Variants in PICK1 observed in about 807,000 individuals in gnomAD.
PICK1 encodes the protein protein interacting with PRKCA 1.
In PICK1, 23 loss-of-function variants were observed where a neutral mutation model predicts 48.9. The ratio of observed to expected loss-of-function variants is 0.47; its 90% confidence interval spans 0.34 to 0.67. The LOEUF is 0.67. Among genes scored for constraint, PICK1 ranks in the 30% least tolerant of loss-of-function variants. PICK1 has a pLI of 0.01. For missense variants in PICK1, 423 were observed against 557.1 expected (o/e 0.76, Z 2.42); for synonymous variants, 217 against 228.2 (o/e 0.95, Z 0.44).
intron 6 of PICK1, among the ~76,000 whole-genome samples, chr22:38,070,449 C>T (rs1251414215): frequency 1.3e-5 from 2 of 152,234 alleles, no homozygotes; most frequent in Non-Finnish European, 2.9e-5. Context: ...TTCCCCCTCC[C>T]TCCCCAAGTT....
Position 38,074,558 on chromosome 22 carries a change from C to G in PICK1, c.979+107C>G. On this transcript the variant is annotated intron_variant, in intron 12 of 12. Transcript: ENST00000356976. This position sits in a 1 kb window ranked among gnomAD's most constrained non-coding sequence, Gnocchi z 4.5. ...GCCACGGCCCAGATGTAAAGCCCCT[C>G]CAGGAGCCCAGCCATCTGCCCAGAG... The G allele has an allele frequency of 6.9e-7, 1 of 1,447,746 alleles. No individual in the cohort carries two copies. The highest frequency in any genetic ancestry group is 1.2e-5 in the South Asian group (1 of 82,454). The allele number at this position is 1,447,746 out of a possible 1,614,324, so 89.7% of individuals were successfully genotyped here. A position where few individuals can be genotyped will look rare whatever the true frequency, so the allele number is the denominator to read the frequency against.
In PICK1 at chr22:38,059,277, G is replaced by C. The variant is rs758384023; in HGVS notation, c.85G>C (p.Ala29Pro). 8 of 1,584,320 alleles carry C rather than the reference G, an allele frequency of 5.0e-6. No homozygotes were observed. In the Admixed American group the frequency reaches 1.1e-4, roughly 21 times the overall value. Reference protein sequence around the residue: ...VPGKVTLQKDAQNLIGISIGG... With the variant: ...VPGKVTLQKDPQNLIGISIGG... ...TGGGAAGGTGACCCTGCAGAAGGAT[G>C]CTCAGAACCTGATCGGGATCAGCAT... Residue 29 changes from alanine to proline, a missense_variant, in exon 3 of 13, where the codon GCT becomes CCT. This residue lies in a region of PICK1 where 279 missense variants were observed against 417.8 expected (regional missense o/e 0.67). Transcript: ENST00000356976.
chr22:38,060,334 G>A (rs1231990043), intron 3 of PICK1, among the ~76,000 whole-genome samples: 1 of 152,226 alleles, frequency 6.6e-6, no homozygotes, highest in African/African-American at 2.4e-5. Flanking sequence ...TCTTGCAGAG[G>A]AAGCTGCACT....
In PICK1 at chr22:38,069,109, C is replaced by T. The variant is rs201374426; in HGVS notation, c.426C>T (p.Ala142=). The T allele has an allele frequency of 6.2e-7, 1 of 1,609,616 alleles. No homozygotes were observed. The highest frequency in any genetic ancestry group is 2.2e-5 in the East Asian group (1 of 44,626). ...GTADALGLSR[A]ILCNDGLVKR... The stretch of plus-strand genomic sequence containing the variant: ...CAGATGCTCTGGGCCTGAGCCGGGC[C>T]ATCCTGTGCAATGGTGAGTCCCTTC... Residue 142 remains alanine (A), a synonymous_variant, in exon 6 of 13, where the codon GCC becomes GCT. Transcript: ENST00000356976.
At position 38,073,196 on chromosome 22, in the gene PICK1, C is replaced by T; in HGVS notation, c.783+104C>T. On this transcript the variant is annotated intron_variant, in intron 10 of 12. Transcript: ENST00000356976. The surrounding 1 kb of genome is among the most constrained non-coding windows in gnomAD (Gnocchi z 5.7). ...GGCCAGCGAGGCCAGCCAGAGCTGACAGCATGTCTGCTCCAGGTGTGGGCC... is the reference window on the plus strand; with the variant it reads ...GGCCAGCGAGGCCAGCCAGAGCTGATAGCATGTCTGCTCCAGGTGTGGGCC... 2.5e-6 allele frequency: 2 copies of T among 806,974 alleles called. No individual in the cohort carries two copies. The highest frequency in any genetic ancestry group is 2.5e-5 in the East Asian group (1 of 39,820). The allele number at this position is 806,974 out of a possible 1,614,324, so 50.0% of individuals were successfully genotyped here. A position where few individuals can be genotyped will look rare whatever the true frequency, so the allele number is the denominator to read the frequency against.
In PICK1 at chr22:38,075,400, C is replaced by T. The variant is rs933102479; in HGVS notation, c.*268C>T. On this transcript the variant is annotated 3_prime_UTR_variant, in exon 13 of 13. Transcript: ENST00000356976. ...GGGAGAGCTTGGTCTCTGGACCTGC[C>T]TTAGGAAGGAGAGGGAGGGCAGGAA... 4 of 476,536 alleles carry T rather than the reference C, an allele frequency of 8.4e-6. No homozygotes were observed. The highest frequency in any genetic ancestry group is 6.5e-5 in the East Asian group (2 of 30,790). 29.5% of individuals were successfully genotyped at this position (476,536 alleles called of 1,614,324 possible). A position where few individuals can be genotyped will look rare whatever the true frequency, so the allele number is the denominator to read the frequency against.
Position 38,057,600 on chromosome 22 carries a change from T to A in PICK1, c.-58+13T>A, listed in dbSNP as rs183509784. On this transcript the variant is annotated intron_variant, in intron 1 of 12. Transcript: ENST00000356976. ...CCCTTTGTACCTAGTAAGAATCACC[T>A]ACCCAGCCCCCCACCCGGAGACTGT... 4.8e-5 allele frequency: 29 copies of A among 607,540 alleles called. No individual in the cohort carries two copies. The East Asian group carries it at 8.1e-4, about 17-fold the overall frequency. The allele number at this position is 607,540 out of a possible 1,614,324, so 37.6% of individuals were successfully genotyped here. A position where few individuals can be genotyped will look rare whatever the true frequency, so the allele number is the denominator to read the frequency against.
chr22:38,074,743 G>C lies in PICK1; in HGVS notation c.980-121G>C. On this transcript the variant is annotated intron_variant, in intron 12 of 12. Transcript: ENST00000356976. The surrounding 1 kb of genome is among the most constrained non-coding windows in gnomAD (Gnocchi z 4.5). ...CCTTGCCAGGTCATGAGGGGTCAGG[G>C]AAGTGCCCGAGTGGGAAGCCCAGGG... 1 of 1,316,068 alleles carries C rather than the reference G, an allele frequency of 7.6e-7. No individual in the cohort carries two copies. The highest frequency in any genetic ancestry group is 1.1e-6 in the Non-Finnish European group (1 of 948,674). 81.5% of individuals were successfully genotyped at this position (1,316,068 alleles called of 1,614,324 possible).
Position 38,066,964 on chromosome 22 carries a change from C to G in PICK1, c.283-740C>G, listed in dbSNP as rs2085540267. On this transcript the variant is annotated intron_variant, in intron 4 of 12. Transcript: ENST00000356976. This position sits in a 1 kb window ranked among gnomAD's most constrained non-coding sequence, Gnocchi z 4.1. ...GCCCCTGCCCCTCCCCTTGGTGCCC[C>G]AGCACCAGGCACAGAGCAAGTGCTC... Among the ~76,000 whole-genome samples the G allele has an allele frequency of 6.6e-6, 1 of 152,204 alleles. No homozygotes were observed. Among genetic ancestry groups the G allele is most frequent in the African/African-American group, 2.4e-5 (1 of 41,456 alleles).
At chr22:38,063,341 T>C (rs570111336) in intron 3 of PICK1, among the ~76,000 whole-genome samples, 1 of 151,812 alleles carries the variant, frequency 6.6e-6, no homozygotes, top group African/African-American at 2.4e-5. Flanking sequence ...ATTTTTTTTG[T>C]AGAGACAGAG....
chr22:38,058,440 T>C (rs982007714), intron 2 of PICK1, among the ~76,000 whole-genome samples: 5 of 151,804 alleles, frequency 3.3e-5, no homozygotes, highest in South Asian at 2.1e-4. Flanking sequence ...AGTTGAGAGG[T>C]GGGAGGTGGA....
intron 5 of PICK1, 87 bp from the exon 6 acceptor site, chr22:38,068,946 G>T: frequency 9.2e-7 from 1 of 1,092,324 alleles, no homozygotes; most frequent in Non-Finnish European, 1.4e-6. Context: ...CCCCTGTGGG[G>T]TGCTCCCTGT....
chr22:38,057,420 G>A lies in PICK1; in HGVS notation c.-225G>A. On this transcript the variant is annotated 5_prime_UTR_variant, in exon 1 of 13. Coordinates refer to ENST00000356976, the MANE Select transcript of PICK1 (RefSeq NM_012407.4). The stretch of plus-strand genomic sequence containing the variant: ...AAGTGACGTGACAATCGCGGCCACC[G>A]CCAGGTGGAACGGCAGGTGGGTTCA... 1 of 244,742 alleles carries A rather than the reference G, an allele frequency of 4.1e-6. No individual in the cohort carries two copies. The highest frequency in any genetic ancestry group is 8.0e-6 in the Non-Finnish European group (1 of 124,750). The allele number at this position is 244,742 out of a possible 1,614,324, so 15.2% of individuals were successfully genotyped here.
chr22:38,073,170 C>A lies in PICK1; in HGVS notation c.783+78C>A. ...TGCCCCACTTCAGTCAGCCATGCTG[C>A]GGCCAGCGAGGCCAGCCAGAGCTGA... On this transcript the variant is annotated intron_variant, in intron 10 of 12. Coordinates refer to ENST00000356976, the MANE Select transcript of PICK1 (RefSeq NM_012407.4). The surrounding 1 kb of genome is among the most constrained non-coding windows in gnomAD (Gnocchi z 5.7). The A allele has an allele frequency of 9.9e-7, 1 of 1,012,632 alleles. No individual in the cohort carries two copies. Among genetic ancestry groups the A allele is most frequent in the Non-Finnish European group, 1.6e-6 (1 of 634,206 alleles). 62.7% of individuals were successfully genotyped at this position (1,012,632 alleles called of 1,614,324 possible).
In PICK1 at chr22:38,073,230, C is replaced by T; in HGVS notation, c.783+138C>T. 1.4e-6 allele frequency: 1 copy of T among 714,090 alleles called. No homozygotes were observed. The highest frequency in any genetic ancestry group is 2.6e-6 in the Non-Finnish European group (1 of 390,302). 44.2% of individuals were successfully genotyped at this position (714,090 alleles called of 1,614,324 possible). Reference sequence around the variant, plus strand: ...TGCTCCAGGTGTGGGCCCAGAGGCCCAGGGAGGTGCAGCCAAAGCCCTGCT... The same window carrying T: ...TGCTCCAGGTGTGGGCCCAGAGGCCTAGGGAGGTGCAGCCAAAGCCCTGCT... On this transcript the variant is annotated intron_variant, in intron 10 of 12. Transcript: ENST00000356976. This position sits in a 1 kb window ranked among gnomAD's most constrained non-coding sequence, Gnocchi z 5.7.
chr22:38,057,895 A>G (rs1390087494), intron 2 of PICK1, 45 bp downstream of exon 2: 1 of 1,496,990 alleles, frequency 6.7e-7, no homozygotes, highest in Admixed American at 1.7e-5. Flanking sequence ...AGGAGCCCCA[A>G]GTTCCTCATT....
intron 3 of PICK1, among the ~76,000 whole-genome samples, chr22:38,063,305 C>T (rs566475797): frequency 8.6e-5 from 13 of 151,816 alleles, no homozygotes; most frequent in African/African-American, 2.9e-4. Context: ...TACAGGCACG[C>T]GCCACCATGC....
chr22:38,057,704 A>T, intron 1 of PICK1, 49 bp from the exon 2 acceptor site: 1 of 951,070 alleles, frequency 1.1e-6, no homozygotes, highest in Non-Finnish European at 1.7e-6. Flanking sequence ...GTTGGCATTT[A>T]GGCACTTGGG....
chr22:38,074,610 C>T lies in PICK1; in HGVS notation c.979+159C>T, dbSNP rs1042891940. 6.6e-6 allele frequency among the ~76,000 whole-genome samples: 1 copy of T among 152,232 alleles called. No individual in the cohort carries two copies. The highest frequency in any genetic ancestry group is 2.4e-5 in the African/African-American group (1 of 41,454). On this transcript the variant is annotated intron_variant, in intron 12 of 12. Coordinates refer to ENST00000356976, the MANE Select transcript of PICK1 (RefSeq NM_012407.4). The surrounding 1 kb of genome is among the most constrained non-coding windows in gnomAD (Gnocchi z 4.5). The stretch of plus-strand genomic sequence containing the variant: ...CTGGCCTGGGTGGAGCTGGCCTGTG[C>T]GCGTGGGCTCCGTGGGCTGCCATCC...
Sources: allele counts gnomAD v4.1 joint callset (sites outside exome capture counted in the v4.1 genomes callset), GRCh38; gene constraint gnomAD v4.1.1; regional missense constraint gnomAD v4.1.1; non-coding constraint Gnocchi (gnomAD v3.1); transcripts MANE v1.5; gene names NCBI Gene and HGNC (gene_info 2026-07-23, HGNC 2026-07-21).